Variants in RUNX1 observed in about 807,000 individuals in gnomAD.
RUNX1 encodes runt-related transcription factor 1.
A neutral mutation model predicts 42.8 loss-of-function variants in RUNX1; 19 were observed. The ratio of observed to expected loss-of-function variants is 0.44; its 90% CI spans 0.31 to 0.65. RUNX1 has a LOEUF of 0.65. Ranked by LOEUF, RUNX1 falls within the 30% of genes least tolerant of loss-of-function variation. The pLI, the probability that RUNX1 is intolerant of heterozygous loss-of-function variation, is 0.07. For missense variants in RUNX1, 528 were observed against 672.0 expected (o/e 0.79, Z 2.37); for synonymous variants, 271 against 289.4 (o/e 0.94, Z 0.64).
At chr21:34,874,244 T>C (rs1057227159) in intron 5 of RUNX1, among the ~76,000 whole-genome samples, 3 of 152,022 alleles carry the variant, frequency 2.0e-5, no homozygotes, top group Non-Finnish European at 2.9e-5. Flanking sequence ...TGACAGTATA[T>C]GATTATTCAT....
At chr21:34,984,952 T>C (rs1199789007) in intron 2 of RUNX1, among the ~76,000 whole-genome samples, 1 of 152,186 alleles carries the variant, frequency 6.6e-6, no homozygotes, top group Non-Finnish European at 1.5e-5. Flanking sequence ...GGGTCAGGGC[T>C]GGCAGCCCAG....
rs1060502577 is a variant in RUNX1 at position 34,792,298 on chromosome 21, C to A, written c.1280G>T (p.Arg427Leu). Reference sequence around the variant, plus strand: ...GGCGTTGGTGCAGGGCGGCAGGATGCGCGGCGGCGAGCGCTCGCCGCCCAC... The same window carrying A: ...GGCGTTGGTGCAGGGCGGCAGGATGAGCGGCGGCGAGCGCTCGCCGCCCAC... The part of the protein sequence containing the change: ...SMVGGERSPP[R>L]ILPPCTNAST... The change falls in exon 9 of 9, where the codon CGC becomes CTC. Residue 427 changes from arginine to leucine, a missense_variant. This residue lies in a region of RUNX1 where 331 missense variants were observed against 382.5 expected (regional missense o/e 0.87). Coordinates refer to ENST00000675419, the MANE Select transcript of RUNX1 (RefSeq NM_001754.5). The surrounding 1 kb of genome is among the most constrained non-coding windows in gnomAD (Gnocchi z 6.9). 6.5e-7 allele frequency: 1 copy of A among 1,539,060 alleles called. No individual in the cohort carries two copies. Among genetic ancestry groups the A allele is most frequent in the Non-Finnish European group, 8.7e-7 (1 of 1,144,616 alleles).
At chr21:34,845,967 A>G (rs2284613) in intron 6 of RUNX1, among the ~76,000 whole-genome samples, 50,282 of 151,944 alleles carry the variant, frequency 0.33, 8,543 homozygotes, top group East Asian at 0.5. Context: ...CGGCTAGATT[A>G]TGAAGATAGG....
At chr21:35,049,119 A>G (rs570877726) in intron 1 of RUNX1, 49 bp downstream of exon 1, 4 of 525,254 alleles carry the variant, frequency 7.6e-6, no homozygotes, top group African/African-American at 5.8e-5. Flanking sequence ...AAAGATTAAA[A>G]AAAAAAAAAA....
At chr21:34,849,720 C>T (rs1032079977) in intron 6 of RUNX1, among the ~76,000 whole-genome samples, 5 of 150,166 alleles carry the variant, frequency 3.3e-5, no homozygotes, top group Middle Eastern at 3.5e-3. Context: ...ACCTAATTTA[C>T]CCTTTCTGTA....
chr21:34,963,542 C>A (rs1029926842), intron 2 of RUNX1, among the ~76,000 whole-genome samples: 1 of 152,132 alleles, frequency 6.6e-6, no homozygotes, highest in African/African-American at 2.4e-5. Flanking sequence ...CAACATCCAT[C>A]CTTCTATTTG....
intron 2 of RUNX1, among the ~76,000 whole-genome samples, chr21:35,011,906 G>A (rs773541725): frequency 1.4e-4 from 22 of 152,126 alleles, no homozygotes; most frequent in Admixed American, 3.3e-4. Flanking sequence ...AAAGCTTAAC[G>A]GATTCTGGAA....
At chr21:34,978,939 C>T (rs189260243) in intron 2 of RUNX1, among the ~76,000 whole-genome samples, 46 of 138,820 alleles carry the variant, frequency 3.3e-4, no homozygotes, top group African/African-American at 1.1e-3. Flanking sequence ...CACACAGATA[C>T]ACACACACAC....
At chr21:34,990,701 C>T (rs905889801) in intron 2 of RUNX1, among the ~76,000 whole-genome samples, 5 of 151,452 alleles carry the variant, frequency 3.3e-5, no homozygotes, top group African/African-American at 9.7e-5. Flanking sequence ...AAGTGATTCT[C>T]CTGCCTCAGC....
rs1024751310 is a variant in RUNX1, at chr21:34,854,755, C to T, written c.613+4719G>A. On this transcript the variant is annotated intron_variant, in intron 6 of 8. Coordinates refer to ENST00000675419, the MANE Select transcript of RUNX1 (RefSeq NM_001754.5). ...ACGTTAACAGCCTGGTCCTCAAGGA[C>T]GGGCTGCCCAGAGAGCAGAGGCAAC... Among the ~76,000 whole-genome samples, 16 of 144,452 alleles carry T rather than the reference C, an allele frequency of 1.1e-4. No homozygotes were observed. The East Asian group carries it at 1.7e-3, about 16-fold the overall frequency. The allele number at this position is 144,452 out of a possible 152,430, so 94.8% of individuals were successfully genotyped here.
At chr21:34,853,460 C>A (rs1036962989) in intron 6 of RUNX1, among the ~76,000 whole-genome samples, 2 of 152,310 alleles carry the variant, frequency 1.3e-5, no homozygotes, top group Middle Eastern at 3.4e-3. Flanking sequence ...GCGGCCAGTG[C>A]AGTTCTTAAA....
At chr21:34,806,995 A>C (rs1262024665) in intron 7 of RUNX1, among the ~76,000 whole-genome samples, 1 of 152,090 alleles carries the variant, frequency 6.6e-6, no homozygotes, top group Non-Finnish European at 1.5e-5. Context: ...AGCATTGAAT[A>C]CATATATTAG....
chr21:34,832,935 A>G (rs1419060942), intron 7 of RUNX1: 1 of 152,208 alleles, frequency 6.6e-6, no homozygotes, highest in Non-Finnish European at 1.5e-5. Context: ...CTCCACAGAC[A>G]GGCCACTTAG....
intron 5 of RUNX1, among the ~76,000 whole-genome samples, chr21:34,869,364 G>A (rs1389471109): frequency 6.6e-6 from 1 of 152,168 alleles, no homozygotes; most frequent in Non-Finnish European, 1.5e-5. Flanking sequence ...GACTGAGGCT[G>A]GCACATCTGA....
intron 2 of RUNX1, among the ~76,000 whole-genome samples, chr21:34,913,318 T>TG (rs1194153088): frequency 6.6e-6 from 1 of 152,186 alleles, no homozygotes; most frequent in Non-Finnish European, 1.5e-5. Flanking sequence ...GACTTTTCTC[T>TG]GGGATGAACT....
intron 4 of RUNX1, 125 bp from the exon 5 acceptor site, chr21:34,880,838 G>A (rs1489625767): frequency 1.7e-5 from 16 of 950,006 alleles, no homozygotes; most frequent in Admixed American, 8.2e-5. Flanking sequence ...GGTTGCAGAG[G>A]AATAGCAATG....
At chr21:35,039,092 G>A (rs1391574300) in intron 2 of RUNX1, among the ~76,000 whole-genome samples, 2 of 152,316 alleles carry the variant, frequency 1.3e-5, no homozygotes, top group East Asian at 1.9e-4. Context: ...AGGACTCAGG[G>A]ATTCATATAC....
chr21:34,982,421 GGAAA>G (rs1175857540), intron 2 of RUNX1, among the ~76,000 whole-genome samples: 5 of 48,564 alleles, frequency 1.0e-4, no homozygotes, highest in African/African-American at 5.8e-4. Flanking sequence ...TGTGTGTGAC[GGAAA>G]GAAAGAGAAA....
At position 34,826,422 on chromosome 21, in the gene RUNX1, TTTTC is replaced by T. The variant is rs1325266842; in HGVS notation, c.805+7984_805+7987del. Among the ~76,000 whole-genome samples, 23 of 143,170 alleles carry T rather than the reference TTTTC, an allele frequency of 1.6e-4. 1 individual carries two copies. The highest frequency in any genetic ancestry group is 4.5e-4 in the African/African-American group (18 of 39,874). 93.9% of individuals were successfully genotyped at this position (143,170 alleles called of 152,430 possible). On this transcript the variant is annotated intron_variant, in intron 7 of 8. Coordinates refer to ENST00000675419, the MANE Select transcript of RUNX1 (RefSeq NM_001754.5). The stretch of plus-strand genomic sequence containing the variant: ...AACCATATGAAATAAATTTCTTTTG[TTTTC>T]TTTCTTTCTTTTTTTTTTTTTTTTT...
Sources: allele counts gnomAD v4.1 joint callset (sites outside exome capture counted in the v4.1 genomes callset), GRCh38; gene constraint gnomAD v4.1.1; regional missense constraint gnomAD v4.1.1; non-coding constraint Gnocchi (gnomAD v3.1); transcripts MANE v1.5; gene names NCBI Gene and HGNC (gene_info 2026-07-23, HGNC 2026-07-21).